The following KCNB2 variants were observed in gnomAD, a reference collection of about 807,000 sequenced individuals.
KCNB2 encodes the protein potassium voltage-gated channel subfamily B member 2.
KCNB2 carries 15 observed loss-of-function variants against 61.5 expected under a neutral mutation model. That is an observed-to-expected ratio of 0.24 (90% confidence interval 0.16 to 0.38). The LOEUF is 0.38. Among genes scored for constraint, KCNB2 ranks in the 10% least tolerant of loss-of-function variants. KCNB2 has a pLI of 1.00. For synonymous variants in KCNB2, 457 were observed against 446.0 expected (o/e 1.02, Z -0.31); for missense variants, 828 against 1,125.2 (o/e 0.74, Z 3.78).
intron 2 of KCNB2, among the ~76,000 whole-genome samples, chr8:72,893,295 T>C (rs1166387306): frequency 6.6e-6 from 1 of 152,188 alleles, no homozygotes; most frequent in South Asian, 2.1e-4. Context: ...AGTAAATTTA[T>C]TATTTTTTAT....
At position 72,911,476 on chromosome 8, in the gene KCNB2, G is replaced by C. The variant is rs138303303; in HGVS notation, c.580-24459G>C. Among the ~76,000 whole-genome samples, 35 of 152,324 alleles carry C rather than the reference G, an allele frequency of 2.3e-4. No individual in the cohort carries two copies. In the East Asian group the frequency reaches 6.6e-3, roughly 29 times the overall value. On this transcript the variant is annotated intron_variant, in intron 2 of 2. Coordinates refer to ENST00000523207, the MANE Select transcript of KCNB2 (RefSeq NM_004770.3). ...AAGCCTTTCACCTGGAAATAGCATT[G>C]AACAGATAAGGGAAGTGAGGCACCA...
At chr8:72,806,617 A>G (rs549162995) in intron 2 of KCNB2, among the ~76,000 whole-genome samples, 1 of 152,102 alleles carries the variant, frequency 6.6e-6, no homozygotes, top group South Asian at 2.1e-4. Context: ...TCAGTCTCAA[A>G]AAAAAAAAAG....
chr8:72,929,149 G>A (rs73687026), intron 2 of KCNB2, among the ~76,000 whole-genome samples: 6,715 of 152,148 alleles, frequency 0.044, 306 homozygotes, highest in African/African-American at 0.12. Flanking sequence ...CAGAGGGACC[G>A]GGCTTGTGCA....
chr8:72,755,008 G>T (rs1354707863), intron 2 of KCNB2, among the ~76,000 whole-genome samples: 1 of 152,150 alleles, frequency 6.6e-6, no homozygotes, highest in Non-Finnish European at 1.5e-5. Context: ...TCAACAGTTG[G>T]TAGAAGATAC....
intron 2 of KCNB2, among the ~76,000 whole-genome samples, chr8:72,853,227 C>T (rs562459159): frequency 6.6e-6 from 1 of 152,306 alleles, no homozygotes; most frequent in South Asian, 2.1e-4. Context: ...TTTGCTTCTC[C>T]AGGCATGGAA....
intron 2 of KCNB2, among the ~76,000 whole-genome samples, chr8:72,579,586 C>A (rs1177086661): frequency 6.6e-6 from 1 of 152,178 alleles, no homozygotes; most frequent in Non-Finnish European, 1.5e-5. Context: ...AATCCGTGAA[C>A]TCGGGCTGTG....
intron 2 of KCNB2, among the ~76,000 whole-genome samples, chr8:72,839,068 C>T (rs1462375307): frequency 6.6e-6 from 1 of 152,066 alleles, no homozygotes; most frequent in African/African-American, 2.4e-5. Context: ...GTAAAAATCA[C>T]CCCATTAGAA....
intron 2 of KCNB2, among the ~76,000 whole-genome samples, chr8:72,663,068 T>C (rs1443649118): frequency 6.6e-6 from 1 of 152,074 alleles, no homozygotes; most frequent in Non-Finnish European, 1.5e-5. Context: ...TATGGGACAT[T>C]TCTGCACTCC....
chr8:72,703,065 G>A (rs1180812218), intron 2 of KCNB2, among the ~76,000 whole-genome samples: 2 of 152,146 alleles, frequency 1.3e-5, no homozygotes, highest in Admixed American at 1.3e-4. Context: ...CAACAATTGA[G>A]AGCTCTTATG....
intron 2 of KCNB2, among the ~76,000 whole-genome samples, chr8:72,851,022 T>A (rs1392009180): frequency 2.3e-5 from 3 of 130,716 alleles, no homozygotes; most frequent in Non-Finnish European, 3.4e-5. Context: ...AACCAAGGCA[T>A]CCAGACACAG....
chr8:72,742,881 A>G (rs957251149), intron 2 of KCNB2, among the ~76,000 whole-genome samples: 2 of 152,294 alleles, frequency 1.3e-5, no homozygotes, highest in Non-Finnish European at 2.9e-5. Context: ...ATTTTTAAAA[A>G]ATGATAGCTA....
At chr8:72,865,370 G>C (rs1054427843) in intron 2 of KCNB2, among the ~76,000 whole-genome samples, 3 of 152,042 alleles carry the variant, frequency 2.0e-5, no homozygotes, top group African/African-American at 7.2e-5. Context: ...CTATGCCTCA[G>C]TTTCCTGTCT....
chr8:72,805,276 T>C (rs1809200894), intron 2 of KCNB2, among the ~76,000 whole-genome samples: 1 of 152,158 alleles, frequency 6.6e-6, no homozygotes, highest in South Asian at 2.1e-4. Flanking sequence ...AGGAAAGAAA[T>C]ATCTTTCCCC....
intron 2 of KCNB2, among the ~76,000 whole-genome samples, chr8:72,915,929 G>A (rs1806390406): frequency 3.3e-5 from 5 of 152,160 alleles, no homozygotes; most frequent in Middle Eastern, 6.8e-3. Context: ...AAAAAGAAAA[G>A]AAAAGAAAAA....
At position 72,694,384 on chromosome 8, in the gene KCNB2, G is replaced by A. The variant is rs570245806; in HGVS notation, c.579+126071G>A. On this transcript the variant is annotated intron_variant, in intron 2 of 2. Transcript: ENST00000523207. ...TCAGAAATACCAGAGTTTATATACC[G>A]TGTGCATTTGTCCTGTTTATGTATT... 3.9e-5 allele frequency among the ~76,000 whole-genome samples: 6 copies of A among 152,216 alleles called. No individual in the cohort carries two copies. In the East Asian group the frequency reaches 7.7e-4, roughly 20 times the overall value.
chr8:72,935,720 T>C (rs1447995582), intron 2 of KCNB2, among the ~76,000 whole-genome samples: 1 of 152,074 alleles, frequency 6.6e-6, no homozygotes, highest in Non-Finnish European at 1.5e-5. Flanking sequence ...GAACAATGAG[T>C]GCGGAAGGGG....
chr8:72,658,094 A>G (rs141362771), intron 2 of KCNB2, among the ~76,000 whole-genome samples: 8 of 152,274 alleles, frequency 5.3e-5, no homozygotes, highest in Admixed American at 1.3e-4. Flanking sequence ...CTTTAAATCA[A>G]TCACAAACTA....
intron 1 of KCNB2, among the ~76,000 whole-genome samples, chr8:72,561,742 T>C (rs1430545954): frequency 3.0e-4 from 8 of 27,084 alleles, no homozygotes; most frequent in African/African-American, 2.2e-3. Flanking sequence ...TATCTATATA[T>C]ATATGTATAT....
At chr8:72,850,680 T>C (rs1810085730) in intron 2 of KCNB2, among the ~76,000 whole-genome samples, 1 of 152,208 alleles carries the variant, frequency 6.6e-6, no homozygotes, top group Admixed American at 6.5e-5. Context: ...AATTCCATAA[T>C]CCAGCTAGTG....
Sources: allele counts gnomAD v4.1 joint callset (sites outside exome capture counted in the v4.1 genomes callset), GRCh38; gene constraint gnomAD v4.1.1; transcripts MANE v1.5; gene names NCBI Gene and HGNC (gene_info 2026-07-23, HGNC 2026-07-21).